The following RAB3GAP2 variants were observed in gnomAD, a reference collection of about 807,000 sequenced individuals.
RAB3GAP2 encodes RAB3 GTPase activating non-catalytic protein subunit 2, also known as rab3 GTPase-activating protein non-catalytic subunit.
Under a neutral mutation model 185.3 loss-of-function variants are expected in RAB3GAP2, and 87 were observed. The ratio of observed to expected loss-of-function variants is 0.47; its 90% CI spans 0.39 to 0.56. The LOEUF is 0.56. Ranked by LOEUF, RAB3GAP2 falls within the 20% of genes least tolerant of loss-of-function variation. The pLI is 0.00. For synonymous variants in RAB3GAP2, 554 were observed against 576.1 expected (o/e 0.96, Z 0.55); for missense variants, 1,492 against 1,638.2 (o/e 0.91, Z 1.54).
At chr1:220,248,565 T>C (rs1371572129) in intron 1 of RAB3GAP2, among the ~76,000 whole-genome samples, 2 of 151,946 alleles carry the variant, frequency 1.3e-5, no homozygotes, top group African/African-American at 2.4e-5. Flanking sequence ...CAAATTAATA[T>C]ATAAACTTAA....
chr1:220,234,391 T>G (rs1374972141), intron 1 of RAB3GAP2, among the ~76,000 whole-genome samples: 1 of 151,640 alleles, frequency 6.6e-6, no homozygotes, highest in Non-Finnish European at 1.5e-5. Context: ...TACAGATGAT[T>G]AAAGAATTTG....
intron 1 of RAB3GAP2, among the ~76,000 whole-genome samples, chr1:220,248,594 C>T (rs1461615344): frequency 6.7e-6 from 1 of 150,328 alleles, no homozygotes; most frequent in African/African-American, 2.5e-5. Context: ...TCATTAAAAT[C>T]CCAGTATAAA....
At chr1:220,180,411 G>A (rs1246028163) in intron 21 of RAB3GAP2, among the ~76,000 whole-genome samples, 1 of 152,008 alleles carries the variant, frequency 6.6e-6, no homozygotes, top group African/African-American at 2.4e-5. Context: ...AGACTAAGAA[G>A]CAAAGAGAAA....
chr1:220,172,015 C>T lies in RAB3GAP2; in HGVS notation c.2451G>A (p.Val817=). 6.2e-7 allele frequency: 1 copy of T among 1,614,126 alleles called. No individual in the cohort carries two copies. Among genetic ancestry groups the T allele is most frequent in the Non-Finnish European group, 8.5e-7 (1 of 1,180,002 alleles). The stretch of plus-strand genomic sequence containing the variant: ...TGCGCATCTGCTGCCACCATGGGGA[C>T]ACAGACTGAGAATCCCAGGTCTCAT... The part of the protein sequence containing the change: ...AIDETWDSQS[V]SPWWQQMRTA... Residue 817 remains valine (V), a synonymous_variant, in exon 23 of 35, where the codon GTG becomes GTA. Coordinates refer to ENST00000358951, the MANE Select transcript of RAB3GAP2 (RefSeq NM_012414.4).
chr1:220,267,738 T>G, intron 1 of RAB3GAP2: 1 of 1,565,472 alleles, frequency 6.4e-7, no homozygotes, highest in Non-Finnish European at 8.8e-7. Flanking sequence ...CTTTTGTGCT[T>G]GCAAAGGAAC....
chr1:220,256,065 A>G (rs992056205), intron 1 of RAB3GAP2, among the ~76,000 whole-genome samples: 1 of 152,216 alleles, frequency 6.6e-6, no homozygotes, highest in African/African-American at 2.4e-5. Flanking sequence ...GAAACCCATT[A>G]GACTAACAGC....
intron 27 of RAB3GAP2, among the ~76,000 whole-genome samples, chr1:220,163,446 T>C (rs1176429238): frequency 6.7e-6 from 1 of 149,678 alleles, no homozygotes; most frequent in Non-Finnish European, 1.5e-5. Context: ...CACTGCAAGC[T>C]CCGCCTCCTG....
At chr1:220,186,648 T>C (rs547022656) in intron 17 of RAB3GAP2, among the ~76,000 whole-genome samples, 1 of 152,320 alleles carries the variant, frequency 6.6e-6, no homozygotes, top group Admixed American at 6.5e-5. Context: ...TCCCAAAGCC[T>C]GAACTGGTTT....
intron 2 of RAB3GAP2, among the ~76,000 whole-genome samples, chr1:220,227,592 C>T (rs1192174385): frequency 6.6e-6 from 1 of 152,162 alleles, no homozygotes; most frequent in Non-Finnish European, 1.5e-5. Flanking sequence ...TTTGCTTCCC[C>T]TCCTGTGGCT....
At position 220,164,810 on chromosome 1, in the gene RAB3GAP2, G is replaced by C. The variant is rs762682484; in HGVS notation, c.3088-11C>G. The C allele has an allele frequency of 6.2e-7, 1 of 1,603,674 alleles. No individual in the cohort carries two copies. The highest frequency in any genetic ancestry group is 8.5e-7 in the Non-Finnish European group (1 of 1,173,612). ...AAAAAAACGTGCTTCCTTACATACA[G>C]GGAGAAAAAAACGAGAAAGAAAAAG... On this transcript the variant is annotated splice_polypyrimidine_tract_variant and intron_variant, in intron 26 of 34. Transcript: ENST00000358951.
chr1:220,183,199 C>T (rs2102865625), intron 19 of RAB3GAP2, among the ~76,000 whole-genome samples: 1 of 151,732 alleles, frequency 6.6e-6, no homozygotes, highest in East Asian at 1.9e-4. Flanking sequence ...ATTAAAAGTA[C>T]CATTTTAGGA....
intron 1 of RAB3GAP2, among the ~76,000 whole-genome samples, chr1:220,255,339 A>T (rs1182444425): frequency 2.0e-5 from 3 of 152,176 alleles, no homozygotes; most frequent in African/African-American, 7.2e-5. Flanking sequence ...ATCAATACAA[A>T]AGCACTGAAA....
rs886046009 is a variant in RAB3GAP2 at position 220,148,701 on chromosome 1, C to G, written c.*2550G>C. On this transcript the variant is annotated 3_prime_UTR_variant, in exon 35 of 35. Transcript: ENST00000358951. ...AGCAATTTAAATGTAACAGTGTTTACTTTGACCATAGATGAAGTTTTATAA... is the reference window on the plus strand; with the variant it reads ...AGCAATTTAAATGTAACAGTGTTTAGTTTGACCATAGATGAAGTTTTATAA... 15 of 152,022 alleles carry G rather than the reference C, an allele frequency of 9.9e-5. No individual in the cohort carries two copies. The highest frequency in any genetic ancestry group is 7.4e-5 in the Non-Finnish European group (5 of 67,982). 9.4% of individuals were successfully genotyped at this position (152,022 alleles called of 1,614,324 possible). A position where few individuals can be genotyped will look rare whatever the true frequency, so the allele number is the denominator to read the frequency against.
intron 9 of RAB3GAP2, 95 bp downstream of exon 9, chr1:220,202,180 TA>T: frequency 7.7e-7 from 1 of 1,298,796 alleles, no homozygotes; most frequent in Non-Finnish European, 1.0e-6. Flanking sequence ...ATAATAATAA[TA>T]AATAAAGAAT....
chr1:220,157,116 A>T (rs549932833), intron 31 of RAB3GAP2, among the ~76,000 whole-genome samples, 154 bp downstream of exon 31: 1 of 152,254 alleles, frequency 6.6e-6, no homozygotes, highest in South Asian at 2.1e-4. Flanking sequence ...GTAAATAAAA[A>T]GAACGGAATC....
intron 2 of RAB3GAP2, among the ~76,000 whole-genome samples, chr1:220,218,980 A>C (rs183489381): frequency 1.3e-5 from 2 of 152,314 alleles, no homozygotes; most frequent in East Asian, 3.9e-4. Context: ...AACCCAAACC[A>C]AATAATATCC....
At chr1:220,199,796 A>G (rs1406297889) in intron 9 of RAB3GAP2, among the ~76,000 whole-genome samples, 1 of 152,094 alleles carries the variant, frequency 6.6e-6, no homozygotes, top group Non-Finnish European at 1.5e-5. Flanking sequence ...TTGTTTCTCA[A>G]AACCATCCCT....
At chr1:220,222,085 A>G (rs966255042) in intron 2 of RAB3GAP2, among the ~76,000 whole-genome samples, 1 of 152,258 alleles carries the variant, frequency 6.6e-6, no homozygotes, top group East Asian at 1.9e-4. Context: ...AATTCTCAGC[A>G]GCTTTCTGCC....
In RAB3GAP2 at chr1:220,208,629, A is replaced by C. The variant is rs530043549; in HGVS notation, c.612+1759T>G. 7.2e-5 allele frequency among the ~76,000 whole-genome samples: 11 copies of C among 152,348 alleles called. No individual in the cohort carries two copies. The South Asian group carries it at 2.3e-3, about 32-fold the overall frequency. ...AACTTTGACAATGGCATTCCTCAGG[A>C]TAAGTATCTTAGAGACATCTTTAGC... On this transcript the variant is annotated intron_variant, in intron 7 of 34. Coordinates refer to ENST00000358951, the MANE Select transcript of RAB3GAP2 (RefSeq NM_012414.4).
Sources: allele counts gnomAD v4.1 joint callset (sites outside exome capture counted in the v4.1 genomes callset), GRCh38; gene constraint gnomAD v4.1.1; transcripts MANE v1.5; gene names NCBI Gene and HGNC (gene_info 2026-07-23, HGNC 2026-07-21).